ZNF383: variants seen among roughly 807,000 people sequenced by gnomAD.
The protein encoded by ZNF383 is zinc finger protein 383.
Under a neutral mutation model 44.2 loss-of-function variants are expected in ZNF383, and 32 were observed. The ratio of observed to expected loss-of-function variants is 0.72; its 90% CI spans 0.55 to 0.97. The LOEUF is 0.97. Among genes scored for constraint, ZNF383 ranks in the 50% least tolerant of loss-of-function variants. The probability of loss-of-function intolerance (pLI) is 0.00; values close to 1 mark genes in which losing one functional copy is unlikely to be tolerated. For synonymous variants in ZNF383, 155 were observed against 186.2 expected, an observed-to-expected ratio of 0.83 and a Z score of 1.36; for missense variants, 487 against 562.5, an observed-to-expected ratio of 0.87 and a Z score of 1.36.
chr19:37,218,351 A>T (rs1184591931), intron 1 of ZNF383, 77 bp downstream of exon 1: 4 of 152,494 alleles, frequency 2.6e-5, no homozygotes, highest in Non-Finnish European at 4.4e-5. Context: ...TCGGGCATGT[A>T]TGAGTTGGTC....
At chr19:37,236,863 C>T (rs543812023) in intron 5 of ZNF383, among the ~76,000 whole-genome samples, 8 of 151,944 alleles carry the variant, frequency 5.3e-5, no homozygotes, top group East Asian at 1.9e-4. Context: ...CCACCGCGTC[C>T]GGCCCCTCTT....
rs987717888 is a variant in ZNF383 at position 37,246,716 on chromosome 19, G to A, written c.*3052G>A. 6.6e-6 allele frequency: 1 copy of A among 152,160 alleles called. No homozygotes were observed. Among genetic ancestry groups the A allele is most frequent in the Non-Finnish European group, 1.5e-5 (1 of 68,034 alleles). The allele number at this position is 152,160 out of a possible 1,614,324, so 9.4% of individuals were successfully genotyped here. ...AGGTGGGAGGATTGCTTGAACCTGG[G>A]AGTTGGAGGTTATAGTGAGCTGAGA... On this transcript the variant is annotated 3_prime_UTR_variant, in exon 6 of 6. Transcript: ENST00000684119.
In ZNF383 at chr19:37,243,752, C is replaced by T; in HGVS notation, c.*88C>T. On this transcript the variant is annotated 3_prime_UTR_variant, in exon 6 of 6. Transcript: ENST00000684119. ...CCCTCTTCCGTAGTTTTTTTTAAAA[C>T]TTTGTATTTAAATTTTGTATCCAAA... The T allele has an allele frequency of 1.1e-6, 1 of 914,486 alleles. No homozygotes were observed. Among genetic ancestry groups the T allele is most frequent in the Non-Finnish European group, 1.6e-6 (1 of 640,022 alleles). 56.6% of individuals were successfully genotyped at this position (914,486 alleles called of 1,614,324 possible).
chr19:37,235,421 A>G, intron 3 of ZNF383, 128 bp from the exon 4 acceptor site: 1 of 900,756 alleles, frequency 1.1e-6, no homozygotes, highest in Non-Finnish European at 1.7e-6. Flanking sequence ...TATTTCTGAA[A>G]TCTAAAGATA....
chr19:37,236,742 G>A (rs774970193), intron 5 of ZNF383, among the ~76,000 whole-genome samples: 4 of 151,778 alleles, frequency 2.6e-5, no homozygotes, highest in African/African-American at 4.8e-5. Flanking sequence ...GCTAATTTTT[G>A]TATTTTTAGT....
In ZNF383 at chr19:37,243,913, C is replaced by T; in HGVS notation, c.*249C>T. The T allele has an allele frequency of 2.8e-6, 1 of 354,346 alleles. No individual in the cohort carries two copies. The allele number at this position is 354,346 out of a possible 1,614,324, so 22.0% of individuals were successfully genotyped here. A position where few individuals can be genotyped will look rare whatever the true frequency, so the allele number is the denominator to read the frequency against. On this transcript the variant is annotated 3_prime_UTR_variant, in exon 6 of 6. Coordinates refer to ENST00000684119, the MANE Select transcript of ZNF383 (RefSeq NM_001387601.1). ...TACTTTCTTGGTGACACATTATACT[C>T]ATGTTTATATTTGCTTGTGTTTTTA...
intron 5 of ZNF383, 83 bp from the exon 6 acceptor site, chr19:37,242,386 C>T: frequency 1.1e-6 from 1 of 888,804 alleles, no homozygotes; most frequent in South Asian, 1.8e-5. Context: ...ACTATTCTTA[C>T]TTTAATTTTT....
At chr19:37,237,106 T>A (rs915372340) in intron 5 of ZNF383, among the ~76,000 whole-genome samples, 15 of 152,176 alleles carry the variant, frequency 9.9e-5, no homozygotes, top group Non-Finnish European at 1.9e-4. Context: ...GAACGTTTTT[T>A]AATTTCCTGG....
intron 5 of ZNF383, 33 bp from the exon 6 acceptor site, chr19:37,242,434 GAA>G: frequency 7.1e-7 from 1 of 1,407,412 alleles, no homozygotes; most frequent in Non-Finnish European, 9.7e-7. Context: ...TCACAAATAG[GAA>G]AAAAGAACAT....
chr19:37,226,811 T>A (rs955592402), intron 2 of ZNF383: 9 of 152,162 alleles, frequency 5.9e-5, no homozygotes, highest in Admixed American at 2.0e-4. Flanking sequence ...GTCGTATTTT[T>A]AAAATTTATT....
chr19:37,228,577 T>C (rs1973297387), intron 2 of ZNF383, among the ~76,000 whole-genome samples: 1 of 152,116 alleles, frequency 6.6e-6, no homozygotes, highest in Non-Finnish European at 1.5e-5. Flanking sequence ...AACATTCAGC[T>C]AATTTGTTAT....
intron 2 of ZNF383, among the ~76,000 whole-genome samples, chr19:37,227,371 C>T (rs1208974697): frequency 2.0e-5 from 3 of 152,210 alleles, no homozygotes; most frequent in Non-Finnish European, 4.4e-5. Context: ...GCCTCGGCCT[C>T]CCAAAGTGCT....
At chr19:37,234,028 C>A (rs995916453) in intron 3 of ZNF383, among the ~76,000 whole-genome samples, 1 of 151,948 alleles carries the variant, frequency 6.6e-6, no homozygotes, top group African/African-American at 2.4e-5. Flanking sequence ...CCACGCCCAG[C>A]TAATTTTGTA....
At chr19:37,231,728 C>T (rs560051825) in intron 3 of ZNF383, among the ~76,000 whole-genome samples, 1 of 152,178 alleles carries the variant, frequency 6.6e-6, no homozygotes, top group East Asian at 1.9e-4. Flanking sequence ...TGCTGTGTAA[C>T]GTGACCTTAA....
Position 37,243,746 on chromosome 19 carries a change from T to C in ZNF383, c.*82T>C. ...TAGTTACCCTCTTCCGTAGTTTTTTTTAAAACTTTGTATTTAAATTTTGTA... is the reference window on the plus strand; with the variant it reads ...TAGTTACCCTCTTCCGTAGTTTTTTCTAAAACTTTGTATTTAAATTTTGTA... On this transcript the variant is annotated 3_prime_UTR_variant, in exon 6 of 6. Transcript: ENST00000684119. 1 of 989,838 alleles carries C rather than the reference T, an allele frequency of 1.0e-6. No individual in the cohort carries two copies. The highest frequency in any genetic ancestry group is 1.4e-6 in the Non-Finnish European group (1 of 703,766). 61.3% of individuals were successfully genotyped at this position (989,838 alleles called of 1,614,324 possible).
In ZNF383 at chr19:37,243,369, G is replaced by C. The variant is rs1974234028; in HGVS notation, c.1133G>C (p.Ser378Thr). ...GAATGTGGAAAGGCTTTTACTCAGA[G>C]CTCACAGCTTCGTCAACATCAGAGA... ...CKECGKAFTQ[S>T]SQLRQHQRIH... Residue 378 changes from serine to threonine, a missense_variant, in exon 6 of 6, where the codon AGC becomes ACC. By Grantham distance (58) the Ser-to-Thr change is moderately conservative. Transcript: ENST00000684119. 6.2e-7 allele frequency: 1 copy of C among 1,614,158 alleles called. No homozygotes were observed.
chr19:37,243,388 T>C lies in ZNF383; in HGVS notation c.1152T>C (p.His384=), dbSNP rs1251056272. ...AFTQSSQLRQ[H]QRIHAGEKPF... ...CTCAGAGCTCACAGCTTCGTCAACA[T>C]CAGAGAATTCACGCTGGTGAGAAAC... The change falls in exon 6 of 6, where the codon CAT becomes CAC. Residue 384 remains histidine (H), a synonymous_variant. Transcript: ENST00000684119. The C allele has an allele frequency of 2.5e-6, 4 of 1,614,148 alleles. No individual in the cohort carries two copies. The highest frequency in any genetic ancestry group is 2.5e-6 in the Non-Finnish European group (3 of 1,180,038).
At position 37,229,802 on chromosome 19, in the gene ZNF383, A is replaced by ATAT. The variant is rs1468252245; in HGVS notation, c.-45-606_-45-605insATT. Among the ~76,000 whole-genome samples the ATAT allele has an allele frequency of 2.1e-3, 268 of 125,350 alleles. 3 individuals carry two copies. Among genetic ancestry groups the ATAT allele is most frequent in the African/African-American group, 7.0e-3 (222 of 31,598 alleles). 82.2% of individuals were successfully genotyped at this position (125,350 alleles called of 152,430 possible). ...TATGTGTGTGTATATATATATATAT[A>ATAT]TTTTTTTTTTTTTTTCAATAAAACA... On this transcript the variant is annotated intron_variant, in intron 2 of 5. Transcript: ENST00000684119.
At chr19:37,233,803 G>C (rs1308314114) in intron 3 of ZNF383, among the ~76,000 whole-genome samples, 1 of 152,040 alleles carries the variant, frequency 6.6e-6, no homozygotes, top group Non-Finnish European at 1.5e-5. Flanking sequence ...TCTACATTGA[G>C]GAGGGGAAGA....
Sources: gnomAD v4.1 joint callset for allele counts (sites outside exome capture counted in the v4.1 genomes callset) on GRCh38, gnomAD v4.1.1 for gene constraint, MANE v1.5 for transcripts, NCBI Gene and HGNC (gene_info 2026-07-23, HGNC 2026-07-21) for gene names.